ERMP1: variants seen among roughly 807,000 people sequenced by gnomAD.
ERMP1 encodes endoplasmic reticulum metallopeptidase 1, also known as Felix-ina.
A neutral mutation model predicts 92.0 loss-of-function variants in ERMP1; 86 were observed. The ratio of observed to expected loss-of-function variants is 0.93; its 90% CI spans 0.79 to 1.12. The LOEUF (loss-of-function observed/expected upper bound fraction) is 1.12. Ranked by LOEUF, ERMP1 falls within the 50% of genes most tolerant of loss-of-function variation. The pLI, the probability that ERMP1 is intolerant of heterozygous loss-of-function variation, is 0.00. For missense variants in ERMP1, 1,342 were observed against 1,116.3 expected, an observed-to-expected ratio of 1.20 and a Z score of -2.88; for synonymous variants, 530 against 412.8, an observed-to-expected ratio of 1.28 and a Z score of -3.44.
chr9:5,818,385 C>T (rs1383060730), intron 4 of ERMP1, among the ~76,000 whole-genome samples: 1 of 152,184 alleles, frequency 6.6e-6, no homozygotes, highest in Non-Finnish European at 1.5e-5. Flanking sequence ...CAGTCTCCTA[C>T]TCATACACTA....
intron 3 of ERMP1, 47 bp from the exon 4 acceptor site, chr9:5,824,048 T>C: frequency 6.7e-7 from 1 of 1,487,512 alleles, no homozygotes; most frequent in African/African-American, 1.4e-5. Flanking sequence ...CAATCTTAAA[T>C]TATCAGTCTT....
At chr9:5,840,855 C>T (rs1830154965) in intron 6 of ERMP1, among the ~76,000 whole-genome samples, 1 of 152,200 alleles carries the variant, frequency 6.6e-6, no homozygotes, top group African/African-American at 2.4e-5. Context: ...ATTACAGAGG[C>T]CAATCACTCC....
chr9:5,801,385 G>A, intron 10 of ERMP1, 57 bp from the exon 11 acceptor site: 1 of 1,547,942 alleles, frequency 6.5e-7, no homozygotes, highest in South Asian at 1.2e-5. Flanking sequence ...TGGTGGAAAG[G>A]TGTTTTTAAC....
chr9:5,864,135 G>A (rs552132078), intron 5 of ERMP1, among the ~76,000 whole-genome samples: 1 of 152,234 alleles, frequency 6.6e-6, no homozygotes, highest in Non-Finnish European at 1.5e-5. Flanking sequence ...CAATTTGACT[G>A]TTGGAAATTG....
At chr9:5,823,769 C>A in intron 4 of ERMP1, 127 bp downstream of exon 4, 2 of 693,876 alleles carry the variant, frequency 2.9e-6, no homozygotes, top group Middle Eastern at 2.6e-4. Context: ...GCTAACACCA[C>A]CTCATGCTTT....
rs963752703 is a variant in ERMP1 at position 5,784,792 on chromosome 9, A to T, written c.*2352T>A. The T allele has an allele frequency of 2.0e-5, 3 of 149,826 alleles. No individual in the cohort carries two copies. Among genetic ancestry groups the T allele is most frequent in the Non-Finnish European group, 4.4e-5 (3 of 67,872 alleles). 9.3% of individuals were successfully genotyped at this position (149,826 alleles called of 1,614,324 possible). ...AACACTTCATGCGACAATCATTCTT[A>T]GGTCAAACACAAGAACGAACTATTT... is the stretch of plus-strand genomic sequence containing the variant. On this transcript the variant is annotated 3_prime_UTR_variant, in exon 15 of 15. Coordinates refer to ENST00000339450, the MANE Select transcript of ERMP1 (RefSeq NM_024896.3).
Position 5,786,986 on chromosome 9 carries a change from T to TA in ERMP1, c.*157dup. 2.9e-6 allele frequency: 2 copies of TA among 696,008 alleles called. No individual in the cohort carries two copies. Among genetic ancestry groups the TA allele is most frequent in the Non-Finnish European group, 4.6e-6 (2 of 436,028 alleles). 43.1% of individuals were successfully genotyped at this position (696,008 alleles called of 1,614,324 possible). On this transcript the variant is annotated 3_prime_UTR_variant, in exon 15 of 15. Coordinates refer to ENST00000339450, the MANE Select transcript of ERMP1 (RefSeq NM_024896.3). ...CATCACTGCGCCACAGCTAAACCCT[T>TA]ATAGTGCTTGGCCCTGAAAAGCGTT...
intron 6 of ERMP1, among the ~76,000 whole-genome samples, chr9:5,852,341 C>G (rs138747063): frequency 1.3e-5 from 2 of 151,806 alleles, no homozygotes; most frequent in African/African-American, 4.8e-5. Context: ...AGGCTCACTG[C>G]AGCCTTGACC....
chr9:5,790,395 C>T (rs1308558912), intron 13 of ERMP1, among the ~76,000 whole-genome samples: 1 of 150,622 alleles, frequency 6.6e-6, no homozygotes, highest in African/African-American at 2.5e-5. Flanking sequence ...AATAAAGCAA[C>T]ACATGTAATT....
chr9:5,831,157 C>G, intron 1 of ERMP1, 129 bp from the exon 2 acceptor site: 2 of 652,950 alleles, frequency 3.1e-6, no homozygotes, highest in East Asian at 2.7e-5. Context: ...AAGGGACCGC[C>G]TTTCATTATT....
At chr9:5,791,377 C>A in intron 13 of ERMP1, 1 of 452,114 alleles carries the variant, frequency 2.2e-6, no homozygotes, top group Non-Finnish European at 4.4e-6. Flanking sequence ...TTTCTCAAGG[C>A]CTTCACTGAC....
chr9:5,814,871 A>G (rs952481269), intron 4 of ERMP1, among the ~76,000 whole-genome samples: 7 of 152,258 alleles, frequency 4.6e-5, no homozygotes, highest in African/African-American at 7.2e-5. Flanking sequence ...AAAAACACAG[A>G]TATCAGTAAT....
chr9:5,793,044 GTATACTTATA>G (rs1828267119), intron 13 of ERMP1, among the ~76,000 whole-genome samples: 1 of 152,164 alleles, frequency 6.6e-6, no homozygotes, highest in South Asian at 2.1e-4. Flanking sequence ...ATGTGGTTAT[GTATACTTATA>G]TGTGTGCATT....
At chr9:5,812,525 G>C (rs775897546) in intron 5 of ERMP1, among the ~76,000 whole-genome samples, 1 of 152,152 alleles carries the variant, frequency 6.6e-6, no homozygotes, top group Non-Finnish European at 1.5e-5. Flanking sequence ...CTACATTCTT[G>C]CCAGGCCAGA....
rs1480284980 is a variant in ERMP1 at position 5,813,038 on chromosome 9, A to G, written c.875-3T>C. 1 of 1,613,716 alleles carries G rather than the reference A, an allele frequency of 6.2e-7. No homozygotes were observed. The highest frequency in any genetic ancestry group is 8.5e-7 in the Non-Finnish European group (1 of 1,179,820). ...AACCAACCAAGGATTTTCAGGACCT[A>G]AAATGAAAGATGACAACACAATAGA... is the stretch of plus-strand genomic sequence containing the variant. On this transcript the variant is annotated splice_polypyrimidine_tract_variant and splice_region_variant and intron_variant, in intron 4 of 14. Transcript: ENST00000339450.
intron 4 of ERMP1, among the ~76,000 whole-genome samples, chr9:5,814,868 C>T (rs936743010): frequency 6.6e-6 from 1 of 152,118 alleles, no homozygotes; most frequent in African/African-American, 2.4e-5. Context: ...TTAAAAAACA[C>T]AGATATCAGT....
At chr9:5,794,363 C>G (rs958422808) in intron 13 of ERMP1, among the ~76,000 whole-genome samples, 12 of 151,886 alleles carry the variant, frequency 7.9e-5, no homozygotes, top group African/African-American at 2.9e-4. Flanking sequence ...ATCTAAGCTT[C>G]CACCTTAATA....
chr9:5,799,759 C>A (rs951388229), intron 11 of ERMP1, among the ~76,000 whole-genome samples: 1 of 152,124 alleles, frequency 6.6e-6, no homozygotes, highest in African/African-American at 2.4e-5. Context: ...ACTTCTGGCA[C>A]AGTGGAAGAG....
chr9:5,835,786 C>T (rs1408332023), upstream of ERMP1, among the ~76,000 whole-genome samples: 7 of 152,162 alleles, frequency 4.6e-5, no homozygotes, highest in Admixed American at 2.6e-4. Flanking sequence ...CCAGGCAGAG[C>T]AGCACAGTGA....
Sources: gnomAD v4.1 joint callset for allele counts (sites outside exome capture counted in the v4.1 genomes callset) on GRCh38, gnomAD v4.1.1 for gene constraint, MANE v1.5 for transcripts, NCBI Gene and HGNC (gene_info 2026-07-23, HGNC 2026-07-21) for gene names.